NLRP4: variants seen among roughly 807,000 people sequenced by gnomAD.
NLRP4 encodes NLR family pyrin domain containing 4, also known as NACHT, LRR and PYD domains-containing protein 4.
A neutral mutation model predicts 84.7 loss-of-function variants in NLRP4; 44 were observed. The ratio of observed to expected loss-of-function variants is 0.52; its 90% CI spans 0.41 to 0.67. The LOEUF is 0.67. Ranked by LOEUF, NLRP4 falls within the 30% of genes least tolerant of loss-of-function variation. The probability of loss-of-function intolerance (pLI) is 0.00; values close to 1 mark genes in which losing one functional copy is unlikely to be tolerated. For missense variants in NLRP4, 1,260 were observed against 1,219.4 expected (o/e 1.03, Z -0.50); for synonymous variants, 544 against 476.4 (o/e 1.14, Z -1.85).
chr19:55,849,298 G>A (rs916065370), intron 1 of NLRP4, among the ~76,000 whole-genome samples: 7 of 152,288 alleles, frequency 4.6e-5, no homozygotes, highest in South Asian at 2.1e-4. Flanking sequence ...TGGGTGTATC[G>A]ATTGCCACTA....
Position 55,870,876 on chromosome 19 carries a change from A to T in NLRP4, c.2404A>T (p.Met802Leu). ...GCAGTGCTGCGAATACATCTCTGAA[A>T]TGCTTCTGCGTAACAAGAGCGTGCG... ...SEQCCEYISE[M>L]LLRNKSVRYL... Residue 802 changes from methionine (M) to leucine (L), a missense_variant, in exon 7 of 10, where the codon ATG (methionine) becomes TTG (leucine). Transcript: ENST00000301295. The T allele has an allele frequency of 6.2e-7, 1 of 1,614,176 alleles. No homozygotes were observed. The highest frequency in any genetic ancestry group is 8.5e-7 in the Non-Finnish European group (1 of 1,179,990).
At chr19:55,868,049 G>A (rs1985030723) in intron 6 of NLRP4, among the ~76,000 whole-genome samples, 173 bp downstream of exon 6, 1 of 152,218 alleles carries the variant, frequency 6.6e-6, no homozygotes, top group Admixed American at 6.5e-5. Flanking sequence ...CGTATATACT[G>A]TCTTCTTAAG....
intron 5 of NLRP4, among the ~76,000 whole-genome samples, chr19:55,862,730 C>T (rs148184745): frequency 1.5e-4 from 23 of 150,900 alleles, no homozygotes; most frequent in African/African-American, 2.4e-4. Flanking sequence ...AAGACTATAG[C>T]GTAAGTCTCT....
chr19:55,867,876 T>A lies in NLRP4; in HGVS notation c.2354T>A (p.Met785Lys). 6.2e-7 allele frequency: 1 copy of A among 1,613,436 alleles called. No individual in the cohort carries two copies. Residue 785 changes from methionine (M) to lysine (K), a missense_variant and splice_region_variant, in exon 6 of 10, where the codon ATG becomes AAG. Transcript: ENST00000301295. ...CSPDTVLVYL[M>K]LAFCHLSEQC... is the part of the protein sequence containing the mutation. Reference sequence around the variant, plus strand: ...CCAGACACGGTCCTGGTATACCTGATGTGAGTGGATGTTGGGGGTGCCTAC... The same window carrying A: ...CCAGACACGGTCCTGGTATACCTGAAGTGAGTGGATGTTGGGGGTGCCTAC...
chr19:55,847,569 C>G (rs915549565), intron 1 of NLRP4, among the ~76,000 whole-genome samples: 14 of 152,236 alleles, frequency 9.2e-5, no homozygotes, highest in African/African-American at 2.9e-4. Flanking sequence ...AAAAATAGTG[C>G]AGAGAGTTCC....
intron 1 of NLRP4, among the ~76,000 whole-genome samples, chr19:55,841,195 T>G (rs1231440459): frequency 6.6e-6 from 1 of 152,222 alleles, no homozygotes; most frequent in East Asian, 1.9e-4. Flanking sequence ...TTATTTGCTT[T>G]AGTTACCCTA....
At position 55,837,873 on chromosome 19, in the gene NLRP4, T is replaced by TA. The variant is rs541394745; in HGVS notation, c.-66+944dup. On this transcript the variant is annotated intron_variant, in intron 1 of 9. Coordinates refer to ENST00000301295, the MANE Select transcript of NLRP4 (RefSeq NM_134444.5). ...AAACATGGCAAAACCCTGTCTCTAC[T>TA]AAAAATACAAAAATCAGCTGGGTAT... Among the ~76,000 whole-genome samples, 56 of 151,952 alleles carry TA rather than the reference T, an allele frequency of 3.7e-4. No individual in the cohort carries two copies. The East Asian group carries it at 9.3e-3, about 25-fold the overall frequency.
At chr19:55,880,900 T>C (rs1432776016) in intron 9 of NLRP4, among the ~76,000 whole-genome samples, 1 of 152,182 alleles carries the variant, frequency 6.6e-6, no homozygotes, top group East Asian at 1.9e-4. Context: ...TTTAATGAGA[T>C]AGGCATGTAA....
intron 2 of NLRP4, among the ~76,000 whole-genome samples, chr19:55,857,292 CAGA>C (rs1174179952): frequency 1.3e-5 from 2 of 150,038 alleles, no homozygotes; most frequent in African/African-American, 2.5e-5. Context: ...CTATTGAAAG[CAGA>C]AGTTGTCAAA....
At chr19:55,856,339 C>A (rs17710196) in intron 2 of NLRP4, among the ~76,000 whole-genome samples, 8,014 of 151,946 alleles carry the variant, frequency 0.053, 237 homozygotes, top group Non-Finnish European at 0.066. Context: ...AAGAGTCCAG[C>A]GTCTGTGTGT....
At chr19:55,877,509 CATT>C (rs1055732795) in intron 8 of NLRP4, among the ~76,000 whole-genome samples, 2 of 152,244 alleles carry the variant, frequency 1.3e-5, no homozygotes, top group Non-Finnish European at 2.9e-5. Flanking sequence ...GGCCACGTCT[CATT>C]ATCTAACTGG....
At chr19:55,843,481 A>G (rs1817014123) in intron 1 of NLRP4, among the ~76,000 whole-genome samples, 1 of 151,894 alleles carries the variant, frequency 6.6e-6, no homozygotes, top group Non-Finnish European at 1.5e-5. Flanking sequence ...TCCTGAGGTC[A>G]GGAGTTCGAG....
Position 55,852,273 on chromosome 19 carries a change from G to C in NLRP4, c.193G>C (p.Glu65Gln), listed in dbSNP as rs750590376. 8.1e-6 allele frequency: 13 copies of C among 1,605,462 alleles called. No individual in the cohort carries two copies. The highest frequency in any genetic ancestry group is 1.0e-5 in the Non-Finnish European group (12 of 1,177,090). The change falls in exon 2 of 10, where the codon GAA becomes CAA. Residue 65 changes from glutamate to glutamine, a missense_variant. Glu to Gln is a conservative substitution (Grantham distance 29). Around this residue, in one of 3 missense-constraint regions of NLRP4, gnomAD observed 712 missense variants for 669.2 expected, o/e 1.06. Transcript: ENST00000301295. Reference sequence around the variant, plus strand: ...AAACCTCTTGATCAAGCACTATGAAGAACAACAAGCTTGGAACATAACCTT... The same window carrying C: ...AAACCTCTTGATCAAGCACTATGAACAACAACAAGCTTGGAACATAACCTT... Reference protein sequence around the residue: ...LANLLIKHYEEQQAWNITLRI... With the variant: ...LANLLIKHYEQQQAWNITLRI...
chr19:55,839,364 C>A (rs1983519555), intron 1 of NLRP4, among the ~76,000 whole-genome samples: 1 of 151,752 alleles, frequency 6.6e-6, no homozygotes. Context: ...CTCTCACACA[C>A]ACATACCCAC....
At chr19:55,869,319 G>A (rs527677093) in intron 6 of NLRP4, among the ~76,000 whole-genome samples, 46 of 151,412 alleles carry the variant, frequency 3.0e-4, no homozygotes, top group South Asian at 1.9e-3. Flanking sequence ...AGCCGAGATC[G>A]CACCACCACA....
At position 55,868,990 on chromosome 19, in the gene NLRP4, C is replaced by T. The variant is rs534908335; in HGVS notation, c.2354+1114C>T. On this transcript the variant is annotated intron_variant, in intron 6 of 9. Transcript: ENST00000301295. Reference sequence around the variant, plus strand: ...TCCCACCTAAAACAACCAAAAATAACCAACTAAATAAAACAACTGTTTAAG... The same window carrying T: ...TCCCACCTAAAACAACCAAAAATAATCAACTAAATAAAACAACTGTTTAAG... Among the ~76,000 whole-genome samples, 4 of 152,190 alleles carry T rather than the reference C, an allele frequency of 2.6e-5. No individual in the cohort carries two copies. In the East Asian group the frequency reaches 7.7e-4, roughly 29 times the overall value.
At chr19:55,878,589 G>C (rs751227128) in intron 8 of NLRP4, among the ~76,000 whole-genome samples, 2 of 152,164 alleles carry the variant, frequency 1.3e-5, no homozygotes, top group African/African-American at 2.4e-5. Context: ...ACATTGCTGT[G>C]GGCAGGGATA....
In NLRP4 at chr19:55,837,351, C is replaced by T. The variant is rs1253729844; in HGVS notation, c.-66+417C>T. Among the ~76,000 whole-genome samples, 3 of 151,994 alleles carry T rather than the reference C, an allele frequency of 2.0e-5. No homozygotes were observed. The South Asian group carries it at 6.2e-4, about 32-fold the overall frequency. On this transcript the variant is annotated intron_variant, in intron 1 of 9. Transcript: ENST00000301295. ...AACCAGTGTATATGTACCCCTGAAC[C>T]TAACATAAAAGTTAGAAAAACCCTC...
intron 2 of NLRP4, 98 bp downstream of exon 2, chr19:55,852,458 G>C (rs1984202516): frequency 2.8e-6 from 2 of 718,430 alleles, no homozygotes; most frequent in South Asian, 3.7e-5. Context: ...ACCTGAATGT[G>C]CTATGGGAAA....
Sources: gnomAD v4.1 joint callset for allele counts (sites outside exome capture counted in the v4.1 genomes callset) on GRCh38, gnomAD v4.1.1 for gene constraint, gnomAD v4.1.1 regional missense constraint, MANE v1.5 for transcripts, NCBI Gene and HGNC (gene_info 2026-07-23, HGNC 2026-07-21) for gene names.